The following GREM2 variants were observed in gnomAD, a reference collection of about 807,000 sequenced individuals.
GREM2 encodes gremlin 2, DAN family BMP antagonist.
In GREM2, 11 loss-of-function variants were observed where a neutral mutation model predicts 14.2. That is an observed-to-expected ratio of 0.78 (90% CI 0.49 to 1.28). GREM2 has a LOEUF of 1.28. Ranked by LOEUF, GREM2 falls within the 50% of genes most tolerant of loss-of-function variation. The pLI is 0.00. For missense variants in GREM2, 210 were observed against 218.5 expected, an observed-to-expected ratio of 0.96 and a Z score of 0.24; for synonymous variants, 98 against 97.6, an observed-to-expected ratio of 1.00 and a Z score of -0.02.
At chr1:240,604,184 G>A (rs1049724271) in intron 1 of GREM2, among the ~76,000 whole-genome samples, 1 of 151,614 alleles carries the variant, frequency 6.6e-6, no homozygotes, top group African/African-American at 2.4e-5. Flanking sequence ...CATTAATGCG[G>A]GATCTACCCC....
intron 1 of GREM2, among the ~76,000 whole-genome samples, chr1:240,602,374 AT>A (rs954813319): frequency 4.6e-5 from 7 of 151,462 alleles, no homozygotes; most frequent in East Asian, 1.9e-4. Context: ...TCCTTAATTT[AT>A]TTTTTTTTAA....
At chr1:240,610,509 A>AAAAC (rs928269038) in intron 1 of GREM2, among the ~76,000 whole-genome samples, 1 of 152,208 alleles carries the variant, frequency 6.6e-6, no homozygotes, top group Non-Finnish European at 1.5e-5. Flanking sequence ...TAAGAAACAA[A>AAAAC]AAACAAACAA....
intron 1 of GREM2, among the ~76,000 whole-genome samples, chr1:240,573,510 T>C (rs184174984): frequency 1.3e-5 from 2 of 152,336 alleles, no homozygotes; most frequent in Admixed American, 1.3e-4. Context: ...CCATTGCATT[T>C]AGATTTTATT....
rs1472879781 is a variant in GREM2, at chr1:240,502,108, C to A, written c.-1-8632G>T. 2.6e-5 allele frequency among the ~76,000 whole-genome samples: 4 copies of A among 152,156 alleles called. No individual in the cohort carries two copies. The South Asian group carries it at 8.3e-4, about 32-fold the overall frequency. The stretch of plus-strand genomic sequence containing the variant: ...CTGTGTCCAGTGAGAGCTAAAATAG[C>A]AGACGTCCACTTCCCTCGGAGCAGA... On this transcript the variant is annotated intron_variant, in intron 1 of 1. Transcript: ENST00000318160.
At chr1:240,551,372 G>A (rs1678847710) in intron 1 of GREM2, among the ~76,000 whole-genome samples, 1 of 151,806 alleles carries the variant, frequency 6.6e-6, no homozygotes, top group Admixed American at 6.6e-5. Flanking sequence ...TTTTTGAGAT[G>A]GAGTCTTGCT....
intron 1 of GREM2, among the ~76,000 whole-genome samples, chr1:240,511,598 A>C (rs1313509499): frequency 1.3e-5 from 2 of 152,118 alleles, no homozygotes; most frequent in Non-Finnish European, 2.9e-5. Context: ...TAAAAATACA[A>C]AGAAATTAGC....
In GREM2 at chr1:240,536,055, T is replaced by TG. The variant is rs1678463586; in HGVS notation, c.-1-42580dup. Among the ~76,000 whole-genome samples, 8 of 95,066 alleles carry TG rather than the reference T, an allele frequency of 8.4e-5. No homozygotes were observed. The Admixed American group carries it at 9.5e-4, about 11-fold the overall frequency. The allele number at this position is 95,066 out of a possible 152,430, so 62.4% of individuals were successfully genotyped here. Reference sequence around the variant, plus strand: ...GGAGCAGGTGTCACAGAAGCCAACTTGCAAGGAGCTGAAGACTGGTAAGAC... The same window carrying TG: ...GGAGCAGGTGTCACAGAAGCCAACTTGGCAAGGAGCTGAAGACTGGTAAGAC... On this transcript the variant is annotated intron_variant, in intron 1 of 1. Coordinates refer to ENST00000318160, the MANE Select transcript of GREM2 (RefSeq NM_022469.4).
At chr1:240,554,714 A>G (rs1040334609) in intron 1 of GREM2, among the ~76,000 whole-genome samples, 3 of 152,236 alleles carry the variant, frequency 2.0e-5, no homozygotes, top group East Asian at 1.9e-4. Flanking sequence ...AATGGTTTTC[A>G]TGTATGCTTA....
At chr1:240,530,770 G>A (rs1678337881) in intron 1 of GREM2, 1 of 152,310 alleles carries the variant, frequency 6.6e-6, no homozygotes, top group Middle Eastern at 3.4e-3. Flanking sequence ...AGAACTCCAA[G>A]CCAAACGCTA....
chr1:240,609,635 G>A (rs1326247018), intron 1 of GREM2, among the ~76,000 whole-genome samples: 1 of 152,068 alleles, frequency 6.6e-6, no homozygotes, highest in African/African-American at 2.4e-5. Context: ...CCCTGATACT[G>A]AGAACATGCC....
chr1:240,578,734 A>G (rs973169063), intron 1 of GREM2, among the ~76,000 whole-genome samples: 5 of 152,040 alleles, frequency 3.3e-5, no homozygotes, highest in Non-Finnish European at 5.9e-5. Flanking sequence ...CAGTGAGCCA[A>G]GATCACGCCA....
At chr1:240,523,103 C>CT (rs1001396908) in intron 1 of GREM2, among the ~76,000 whole-genome samples, 13 of 152,004 alleles carry the variant, frequency 8.6e-5, no homozygotes, top group South Asian at 4.1e-4. Context: ...TAATCAGTTT[C>CT]TTTTTTTTGA....
chr1:240,552,174 A>G (rs1046813396), intron 1 of GREM2, among the ~76,000 whole-genome samples: 1 of 152,218 alleles, frequency 6.6e-6, no homozygotes, highest in Non-Finnish European at 1.5e-5. Flanking sequence ...TGCCTTCAGT[A>G]ATCAGCTAAA....
rs559276205 is a variant in GREM2 at position 240,604,091 on chromosome 1, G to A, written c.-2+7793C>T. Among the ~76,000 whole-genome samples, 251 of 151,614 alleles carry A rather than the reference G, an allele frequency of 1.7e-3. 1 individual carries two copies. The highest frequency in any genetic ancestry group is 2.6e-3 in the Non-Finnish European group (180 of 67,942). ...GCAGGAGAGAAGGAAGGGAGGTGCC[G>A]GGCTCTCTTTAAAGAACGAGCTTTC... On this transcript the variant is annotated intron_variant, in intron 1 of 1. Coordinates refer to ENST00000318160, the MANE Select transcript of GREM2 (RefSeq NM_022469.4).
At chr1:240,521,374 C>T (rs577067066) in intron 1 of GREM2, among the ~76,000 whole-genome samples, 3 of 152,178 alleles carry the variant, frequency 2.0e-5, no homozygotes, top group African/African-American at 7.2e-5. Context: ...CGAGACCATC[C>T]TGGCTAACAC....
intron 1 of GREM2, among the ~76,000 whole-genome samples, chr1:240,534,247 A>G (rs1428554853): frequency 6.6e-6 from 1 of 152,176 alleles, no homozygotes; most frequent in Non-Finnish European, 1.5e-5. Flanking sequence ...GAGAAAAACA[A>G]TCAGTTTTCA....
intron 1 of GREM2, among the ~76,000 whole-genome samples, chr1:240,576,938 T>G (rs1482385104): frequency 6.6e-6 from 1 of 152,196 alleles, no homozygotes; most frequent in Non-Finnish European, 1.5e-5. Flanking sequence ...TTGGGAAGAT[T>G]TTTTATTTTG....
intron 1 of GREM2, among the ~76,000 whole-genome samples, chr1:240,563,735 T>A (rs190851546): frequency 6.6e-6 from 1 of 152,308 alleles, no homozygotes; most frequent in East Asian, 1.9e-4. Context: ...CATATCTAGA[T>A]GACATTTCTA....
intron 1 of GREM2, among the ~76,000 whole-genome samples, chr1:240,545,103 A>T (rs1048622052): frequency 6.6e-6 from 1 of 152,184 alleles, no homozygotes; most frequent in African/African-American, 2.4e-5. Flanking sequence ...TAGCTTCAGG[A>T]TGGTGGCTGG....
Sources: gnomAD v4.1 joint callset for allele counts (sites outside exome capture counted in the v4.1 genomes callset) on GRCh38, gnomAD v4.1.1 for gene constraint, MANE v1.5 for transcripts, NCBI Gene and HGNC (gene_info 2026-07-23, HGNC 2026-07-21) for gene names.